Variants in MCPH1 observed in about 807,000 individuals in gnomAD.
The protein encoded by MCPH1 is microcephalin 1.
MCPH1 carries 104 observed loss-of-function variants against 84.5 expected under a neutral mutation model. The observed-to-expected ratio is 1.23, with a 90% CI of 1.05 to 1.45. The LOEUF (loss-of-function observed/expected upper bound fraction) is 1.45, where lower values mean the gene tolerates loss of function less well. Ranked by LOEUF, MCPH1 falls within the 40% of genes most tolerant of loss-of-function variation. The pLI is 0.00. For synonymous variants in MCPH1, 514 were observed against 366.8 expected (o/e 1.40, Z -4.58); for missense variants, 1,498 against 1,005.7 (o/e 1.49, Z -6.62).
Position 6,647,289 on chromosome 8 carries a change from G to T in MCPH1, c.*4240G>T, listed in dbSNP as rs371103250. On this transcript the variant is annotated 3_prime_UTR_variant, in exon 14 of 14. Transcript: ENST00000344683. ...ACTGATAATTCCAACATCTGACCAA[G>T]ATATGGAGAAACTAGAACTCTCCTA... The T allele has an allele frequency of 1.3e-5, 2 of 152,172 alleles. No homozygotes were observed. Among genetic ancestry groups the T allele is most frequent in the African/African-American group, 4.8e-5 (2 of 41,430 alleles). The allele number at this position is 152,172 out of a possible 1,614,324, so 9.4% of individuals were successfully genotyped here.
At chr8:6,477,452 G>GT (rs1187595800) in intron 9 of MCPH1, 142 bp from the exon 10 acceptor site, 206 of 708,054 alleles carry the variant, frequency 2.9e-4, no homozygotes, top group Non-Finnish European at 3.9e-4. Flanking sequence ...GAATATAAAG[G>GT]TTTTTTTTCT....
intron 12 of MCPH1, among the ~76,000 whole-genome samples, chr8:6,505,857 T>C (rs553935991): frequency 7.2e-6 from 1 of 138,074 alleles, no homozygotes; most frequent in African/African-American, 2.7e-5. Context: ...TATATGTATA[T>C]ATAAAAACAT....
At position 6,436,135 on chromosome 8, in the gene MCPH1, G is replaced by C. The variant is rs759051624; in HGVS notation, c.409G>C (p.Glu137Gln). 1.2e-6 allele frequency: 2 copies of C among 1,613,654 alleles called. No individual in the cohort carries two copies. The highest frequency in any genetic ancestry group is 8.5e-7 in the Non-Finnish European group (1 of 1,179,822). ...GAAGAAATTTGAGAAAATGGCTAAA[G>C]AGCTACAAAGGCAAAAAACAAATCT... Reference protein sequence around the residue: ...FQKKFEKMAKELQRQKTNLDD... With the variant: ...FQKKFEKMAKQLQRQKTNLDD... The change falls in exon 5 of 14, where the codon GAG (glutamate) becomes CAG (glutamine). Residue 137 changes from glutamate to glutamine, a missense_variant. By Grantham distance (29) the Glu-to-Gln change is conservative. Coordinates refer to ENST00000344683, the MANE Select transcript of MCPH1 (RefSeq NM_024596.5).
chr8:6,451,529 A>G (rs1326326340), intron 8 of MCPH1, among the ~76,000 whole-genome samples: 1 of 150,490 alleles, frequency 6.6e-6, no homozygotes, highest in Non-Finnish European at 1.5e-5. Context: ...AACGATTACA[A>G]AGGATAAAAT....
intron 12 of MCPH1, among the ~76,000 whole-genome samples, chr8:6,570,803 G>GTTT (rs10548398): frequency 1.8e-4 from 20 of 108,618 alleles, no homozygotes; most frequent in South Asian, 3.2e-4. Context: ...ATGGATTGTT[G>GTTT]TTTTTTTTTT....
intron 13 of MCPH1, among the ~76,000 whole-genome samples, chr8:6,635,580 G>A (rs1037575165): frequency 1.1e-4 from 17 of 152,050 alleles, no homozygotes; most frequent in African/African-American, 3.9e-4. Flanking sequence ...GGGAAACAGC[G>A]AGGCCCTGTC....
At chr8:6,407,658 C>G (rs374954658) in intron 1 of MCPH1, among the ~76,000 whole-genome samples, 3 of 152,272 alleles carry the variant, frequency 2.0e-5, no homozygotes, top group South Asian at 4.2e-4. Flanking sequence ...GGCTATTTTT[C>G]TAATGTTAGT....
chr8:6,407,848 G>A (rs1797964476), intron 1 of MCPH1, among the ~76,000 whole-genome samples: 1 of 152,116 alleles, frequency 6.6e-6, no homozygotes, highest in Non-Finnish European at 1.5e-5. Context: ...AAGGGTCTAC[G>A]AGCTAAGAAT....
intron 13 of MCPH1, among the ~76,000 whole-genome samples, chr8:6,636,214 C>A (rs1459895339): frequency 6.6e-6 from 1 of 151,870 alleles, no homozygotes; most frequent in African/African-American, 2.4e-5. Flanking sequence ...ATGGCACATG[C>A]ATGTAGTCCC....
chr8:6,621,447 C>G lies in MCPH1; in HGVS notation c.2215-7C>G. The G allele has an allele frequency of 6.2e-7, 1 of 1,613,798 alleles. No homozygotes were observed. Reference sequence around the variant, plus strand: ...CCTCTGTAATTCTATCTCTGTCTGCCCCACAGCTGTGCCGAAGCGAGTGCC... The same window carrying G: ...CCTCTGTAATTCTATCTCTGTCTGCGCCACAGCTGTGCCGAAGCGAGTGCC... On this transcript the variant is annotated splice_region_variant and splice_polypyrimidine_tract_variant and intron_variant, in intron 12 of 13. Coordinates refer to ENST00000344683, the MANE Select transcript of MCPH1 (RefSeq NM_024596.5).
intron 11 of MCPH1, 43 bp from the exon 12 acceptor site, chr8:6,499,809 G>A: frequency 2.6e-6 from 4 of 1,567,080 alleles, no homozygotes; most frequent in East Asian, 4.5e-5. Flanking sequence ...GCCTGCTAAG[G>A]CTAATAAATG....
chr8:6,487,426 G>A (rs1001852658), intron 11 of MCPH1, among the ~76,000 whole-genome samples: 13 of 152,252 alleles, frequency 8.5e-5, no homozygotes, highest in Non-Finnish European at 1.2e-4. Context: ...ATGCTGAGCC[G>A]CTCTCCTAAA....
intron 1 of MCPH1, chr8:6,407,085 C>T (rs572998720): frequency 2.1e-5 from 7 of 330,750 alleles, no homozygotes; most frequent in Admixed American, 1.7e-4. Flanking sequence ...CCCCTACCTG[C>T]TTTCACCCCT....
chr8:6,469,544 A>G (rs7833481), intron 9 of MCPH1, among the ~76,000 whole-genome samples: 21,643 of 152,214 alleles, frequency 0.14, 1,616 homozygotes, highest in Middle Eastern at 0.24. Context: ...TGATAGTACC[A>G]TATATATTTA....
chr8:6,613,653 G>C (rs932226531), intron 12 of MCPH1, among the ~76,000 whole-genome samples: 2 of 152,120 alleles, frequency 1.3e-5, no homozygotes, highest in African/African-American at 4.8e-5. Context: ...AGGGGCACCT[G>C]TGGATGTCCT....
chr8:6,408,789 C>A (rs1388833084), intron 1 of MCPH1, among the ~76,000 whole-genome samples: 1 of 152,168 alleles, frequency 6.6e-6, no homozygotes, highest in African/African-American at 2.4e-5. Context: ...TCTCAAACTT[C>A]TGTGCCCAAG....
chr8:6,630,806 A>C (rs935379076), intron 13 of MCPH1, among the ~76,000 whole-genome samples: 12 of 148,990 alleles, frequency 8.1e-5, no homozygotes, highest in East Asian at 2.0e-4. Flanking sequence ...AAAAAAAAAA[A>C]CAATTATATA....
At chr8:6,613,633 G>A (rs1469831369) in intron 12 of MCPH1, among the ~76,000 whole-genome samples, 1 of 152,160 alleles carries the variant, frequency 6.6e-6, no homozygotes, top group East Asian at 1.9e-4. Flanking sequence ...CGGGGGGTGA[G>A]GGGGTTGGAA....
In MCPH1 at chr8:6,434,801, C is replaced by T. The variant is rs17076856; in HGVS notation, c.322-1247C>T. On this transcript the variant is annotated intron_variant, in intron 4 of 13. Transcript: ENST00000344683. Reference sequence around the variant, plus strand: ...GTAAGCAAATTTGGGCTGGTAGCTTCGCGCTGAAAACGAAGGAACCTAGAC... The same window carrying T: ...GTAAGCAAATTTGGGCTGGTAGCTTTGCGCTGAAAACGAAGGAACCTAGAC... Among the ~76,000 whole-genome samples the T allele has an allele frequency of 4.8e-3, 737 of 152,304 alleles. 6 individuals carry two copies. Among genetic ancestry groups the T allele is most frequent in the African/African-American group, 0.016 (656 of 41,558 alleles).
Sources: allele counts gnomAD v4.1 joint callset (sites outside exome capture counted in the v4.1 genomes callset), GRCh38; gene constraint gnomAD v4.1.1; transcripts MANE v1.5; gene names NCBI Gene and HGNC (gene_info 2026-07-23, HGNC 2026-07-21).